The following XIRP2 variants were observed in gnomAD, a reference collection of about 807,000 sequenced individuals.
The protein encoded by XIRP2 is xin actin-binding repeat-containing protein 2.
In XIRP2, 236 loss-of-function variants were observed where a neutral mutation model predicts 277.0. That is an observed-to-expected ratio of 0.85 (90% CI 0.77 to 0.95). The LOEUF is 0.95. Among genes scored for constraint, XIRP2 ranks in the 40% least tolerant of loss-of-function variants. The pLI is 0.00. For missense variants in XIRP2, 4,640 were observed against 4,157.5 expected, an observed-to-expected ratio of 1.12 and a Z score of -3.19; for synonymous variants, 1,490 against 1,416.5, an observed-to-expected ratio of 1.05 and a Z score of -1.17.
chr2:167,169,034 C>T (rs1010709901), intron 3 of XIRP2, among the ~76,000 whole-genome samples: 4 of 151,992 alleles, frequency 2.6e-5, no homozygotes, highest in African/African-American at 9.7e-5. Flanking sequence ...ATATTGTTTG[C>T]GTTTTATTCA....
intron 2 of XIRP2, among the ~76,000 whole-genome samples, chr2:167,086,214 C>G (rs1433737006): frequency 6.6e-6 from 1 of 152,012 alleles, no homozygotes; most frequent in South Asian, 2.1e-4. Context: ...CTTAGTTTGG[C>G]TGGATATGAA....
chr2:167,118,224 A>C (rs545146818), intron 2 of XIRP2, among the ~76,000 whole-genome samples: 2 of 152,254 alleles, frequency 1.3e-5, no homozygotes, highest in African/African-American at 4.8e-5. Context: ...TCACGCCTGT[A>C]ATCCCTGCAC....
In XIRP2 at chr2:167,245,304, A is replaced by C; in HGVS notation, c.3912A>C (p.Val1304=). The C allele has an allele frequency of 6.2e-7, 1 of 1,613,720 alleles. No homozygotes were observed. The highest frequency in any genetic ancestry group is 1.1e-5 in the South Asian group (1 of 91,048). Residue 1304 remains valine (V), a synonymous_variant, in exon 9 of 11, where the codon GTA becomes GTC. Coordinates refer to ENST00000409195, the MANE Select transcript of XIRP2 (RefSeq NM_152381.6). ...ISTKKTITEE[V]IQGDVKSYRM... ...CCAAGAAAACAATTACTGAAGAAGT[A>C]ATACAGGGTGATGTAAAAAGCTACA...
intron 2 of XIRP2, among the ~76,000 whole-genome samples, chr2:166,912,895 A>G (rs1014493420): frequency 6.6e-6 from 1 of 152,128 alleles, no homozygotes; most frequent in Non-Finnish European, 1.5e-5. Context: ...CCTGGGTATC[A>G]GCAGCAGAGG....
chr2:167,075,715 C>T (rs970346673), intron 2 of XIRP2, among the ~76,000 whole-genome samples: 3 of 152,136 alleles, frequency 2.0e-5, no homozygotes, highest in Non-Finnish European at 4.4e-5. Context: ...GATCTCCGCT[C>T]ACTGCAACCT....
In XIRP2 at chr2:166,923,258, T is replaced by C. The variant is rs1381205288; in HGVS notation, c.408+19368T>C. Among the ~76,000 whole-genome samples, 3 of 152,102 alleles carry C rather than the reference T, an allele frequency of 2.0e-5. No individual in the cohort carries two copies. In the East Asian group the frequency reaches 5.8e-4, roughly 29 times the overall value. ...AATGAGTGTACTATAAACATTGCCATAGCAATGTGTTTTGCCTCGAGTTCT... is the reference window on the plus strand; with the variant it reads ...AATGAGTGTACTATAAACATTGCCACAGCAATGTGTTTTGCCTCGAGTTCT... On this transcript the variant is annotated intron_variant, in intron 2 of 10. Coordinates refer to ENST00000409195, the MANE Select transcript of XIRP2 (RefSeq NM_152381.6).
intron 2 of XIRP2, among the ~76,000 whole-genome samples, chr2:166,911,494 T>C (rs918727549): frequency 2.0e-5 from 3 of 152,198 alleles, no homozygotes; most frequent in Non-Finnish European, 4.4e-5. Flanking sequence ...ATTTTGAGCC[T>C]ATGTGTGTCT....
intron 7 of XIRP2, 80 bp downstream of exon 7, chr2:167,240,816 A>G (rs1695044593): frequency 1.6e-6 from 2 of 1,222,038 alleles, no homozygotes; most frequent in Admixed American, 1.7e-5. Context: ...CTTCCAAAGC[A>G]CAGTCCTCCC....
chr2:167,170,288 T>C (rs916163259), intron 3 of XIRP2, among the ~76,000 whole-genome samples: 4 of 152,158 alleles, frequency 2.6e-5, no homozygotes, highest in Non-Finnish European at 4.4e-5. Flanking sequence ...CCTTGCCTGA[T>C]GTTAGTATCA....
intron 1 of XIRP2, among the ~76,000 whole-genome samples, chr2:166,901,145 T>G (rs183062977): frequency 2.0e-5 from 3 of 152,214 alleles, no homozygotes; most frequent in African/African-American, 7.2e-5. Context: ...GCTGACACTT[T>G]TCAGCTTATT....
intron 2 of XIRP2, among the ~76,000 whole-genome samples, chr2:167,119,717 A>G (rs1449628352): frequency 2.0e-5 from 3 of 152,234 alleles, no homozygotes; most frequent in Non-Finnish European, 4.4e-5. Context: ...GATAATTACA[A>G]TTCAAAGCAC....
intron 2 of XIRP2, among the ~76,000 whole-genome samples, chr2:166,987,618 A>T (rs937976240): frequency 6.6e-6 from 1 of 152,208 alleles, no homozygotes; most frequent in African/African-American, 2.4e-5. Context: ...AGATTTTAAA[A>T]ATTGGCATTT....
At chr2:167,059,148 C>T (rs1267796545) in intron 2 of XIRP2, among the ~76,000 whole-genome samples, 1 of 141,698 alleles carries the variant, frequency 7.1e-6, no homozygotes, top group Non-Finnish European at 1.5e-5. Flanking sequence ...GCTCTGTCAC[C>T]CAGGCTGGAG....
At chr2:166,963,936 C>T (rs373514897) in intron 2 of XIRP2, among the ~76,000 whole-genome samples, 34 of 151,780 alleles carry the variant, frequency 2.2e-4, no homozygotes, top group East Asian at 1.4e-3. Context: ...TACAACTGTC[C>T]AGGTGAAGAC....
At position 167,259,341 on chromosome 2, in the gene XIRP2, G is replaced by T; in HGVS notation, c.*1524G>T. The stretch of plus-strand genomic sequence containing the variant: ...GTGGAAGAGCAGATTAAAAGAAACA[G>T]GTGCTACAGTGACACTGAGTAAAAT... On this transcript the variant is annotated 3_prime_UTR_variant, in exon 11 of 11. Transcript: ENST00000409195. 6.2e-7 allele frequency: 1 copy of T among 1,609,134 alleles called. No individual in the cohort carries two copies. The highest frequency in any genetic ancestry group is 8.5e-7 in the Non-Finnish European group (1 of 1,178,096).
At chr2:167,090,732 T>C (rs1163051546) in intron 2 of XIRP2, among the ~76,000 whole-genome samples, 1 of 151,880 alleles carries the variant, frequency 6.6e-6, no homozygotes, top group African/African-American at 2.4e-5. Context: ...ACCTTAGGGG[T>C]GTCCTGGCTT....
intron 2 of XIRP2, among the ~76,000 whole-genome samples, chr2:167,003,298 A>G (rs1687419693): frequency 6.6e-6 from 1 of 151,942 alleles, no homozygotes; most frequent in African/African-American, 2.4e-5. Flanking sequence ...AGATAGAAAT[A>G]TAAAAACCTA....
intron 2 of XIRP2, among the ~76,000 whole-genome samples, chr2:167,069,832 A>G (rs912458179): frequency 1.4e-4 from 21 of 152,130 alleles, no homozygotes; most frequent in Admixed American, 6.6e-4. Flanking sequence ...TACTTGTATA[A>G]TGCTCCACTT....
intron 2 of XIRP2, among the ~76,000 whole-genome samples, chr2:166,908,762 C>G (rs1241759143): frequency 1.3e-5 from 2 of 152,032 alleles, no homozygotes; most frequent in African/African-American, 2.4e-5. Context: ...TGACATTTAA[C>G]TCTTTAATCC....
Sources: gnomAD v4.1 joint callset for allele counts (sites outside exome capture counted in the v4.1 genomes callset) on GRCh38, gnomAD v4.1.1 for gene constraint, MANE v1.5 for transcripts, NCBI Gene and HGNC (gene_info 2026-07-23, HGNC 2026-07-21) for gene names.